Variants in COMMD10 observed in about 807,000 individuals in gnomAD.
COMMD10 encodes the protein COMM domain containing 10, also known as COMM domain-containing protein 10.
COMMD10 carries 33 observed loss-of-function variants against 28.9 expected under a neutral mutation model. The observed-to-expected ratio is 1.14, with a 90% confidence interval of 0.87 to 1.53. The LOEUF is 1.53. COMMD10 is among the 40% of genes most tolerant of loss of function. The pLI is 0.00. For synonymous variants in COMMD10, 110 were observed against 81.7 expected (o/e 1.35, Z -1.87); for missense variants, 310 against 233.4 (o/e 1.33, Z -2.14).
Position 116,293,201 on chromosome 5 carries a change from G to A in COMMD10, c.*712G>A. 1 of 388,216 alleles carries A rather than the reference G, an allele frequency of 2.6e-6. No individual in the cohort carries two copies. Among genetic ancestry groups the A allele is most frequent in the Non-Finnish European group, 4.6e-6 (1 of 219,624 alleles). The allele number at this position is 388,216 out of a possible 1,614,324, so 24.0% of individuals were successfully genotyped here. On this transcript the variant is annotated 3_prime_UTR_variant, in exon 7 of 7. Transcript: ENST00000274458. ...AAAATAATTGTAATGAGTGCTAAAT[G>A]GGCACCATTATTCGAATCAGATACC...
chr5:116,244,340 C>G (rs1484742309), intron 5 of COMMD10, among the ~76,000 whole-genome samples: 1 of 152,040 alleles, frequency 6.6e-6, no homozygotes, highest in Non-Finnish European at 1.5e-5. Context: ...CAAATTTTCA[C>G]TAGCATCATT....
At chr5:116,190,595 C>T (rs1473639807) in intron 5 of COMMD10, among the ~76,000 whole-genome samples, 3 of 152,164 alleles carry the variant, frequency 2.0e-5, no homozygotes, top group Non-Finnish European at 2.9e-5. Flanking sequence ...ACCAAGAGTT[C>T]TCTGTTTCTT....
chr5:116,270,887 C>T (rs891385457), intron 5 of COMMD10, among the ~76,000 whole-genome samples: 5 of 150,624 alleles, frequency 3.3e-5, no homozygotes, highest in Non-Finnish European at 7.4e-5. Context: ...TGCAGTCAGC[C>T]GAGATCACAC....
chr5:116,125,956 G>C (rs1751616855), intron 4 of COMMD10, among the ~76,000 whole-genome samples: 1 of 152,072 alleles, frequency 6.6e-6, no homozygotes, highest in Non-Finnish European at 1.5e-5. Context: ...AGAAATAAAG[G>C]GTATTCAGTT....
At chr5:116,243,753 C>T (rs1189441876) in intron 5 of COMMD10, among the ~76,000 whole-genome samples, 1 of 152,096 alleles carries the variant, frequency 6.6e-6, no homozygotes, top group African/African-American at 2.4e-5. Context: ...TCAGCTTGAC[C>T]TTATTTCAGA....
At chr5:116,214,420 T>G (rs1269202749) in intron 5 of COMMD10, among the ~76,000 whole-genome samples, 1 of 152,110 alleles carries the variant, frequency 6.6e-6, no homozygotes, top group African/African-American at 2.4e-5. Context: ...AGAAGCACAT[T>G]GGTTATGTTA....
intron 5 of COMMD10, among the ~76,000 whole-genome samples, chr5:116,239,477 G>A (rs1749759584): frequency 6.6e-6 from 1 of 152,082 alleles, no homozygotes; most frequent in Admixed American, 6.6e-5. Context: ...GCTCACATGG[G>A]CCTTATATGA....
chr5:116,226,112 C>G (rs1452265932), intron 5 of COMMD10, among the ~76,000 whole-genome samples: 1 of 151,898 alleles, frequency 6.6e-6, no homozygotes, highest in Non-Finnish European at 1.5e-5. Context: ...AATTCTTACC[C>G]CTTCTAGTTT....
At chr5:116,285,952 A>C (rs769022001) in intron 5 of COMMD10, among the ~76,000 whole-genome samples, 14 of 151,844 alleles carry the variant, frequency 9.2e-5, no homozygotes, top group Non-Finnish European at 1.9e-4. Flanking sequence ...TTAATTCTTT[A>C]AATGTTTTGT....
intron 5 of COMMD10, among the ~76,000 whole-genome samples, chr5:116,262,270 G>T (rs894059573): frequency 6.6e-6 from 1 of 151,658 alleles, no homozygotes; most frequent in South Asian, 2.1e-4. Context: ...CCTCAAAACT[G>T]CTGAAGTATC....
chr5:116,179,104 A>C (rs1747854524), intron 5 of COMMD10, among the ~76,000 whole-genome samples: 1 of 152,126 alleles, frequency 6.6e-6, no homozygotes, highest in Non-Finnish European at 1.5e-5. Flanking sequence ...ATGTTATCAA[A>C]CACTGTGTCA....
At chr5:116,196,137 G>C (rs565385941) in intron 5 of COMMD10, among the ~76,000 whole-genome samples, 2 of 152,134 alleles carry the variant, frequency 1.3e-5, no homozygotes, top group Non-Finnish European at 2.9e-5. Context: ...TTGCAAACAC[G>C]CATGTTTATA....
At chr5:116,182,340 G>C (rs1747996150) in intron 5 of COMMD10, among the ~76,000 whole-genome samples, 4 of 151,744 alleles carry the variant, frequency 2.6e-5, no homozygotes, top group Admixed American at 2.6e-4. Flanking sequence ...GAGAAATTAA[G>C]AACAATAGGT....
At chr5:116,252,142 G>T (rs892072524) in intron 5 of COMMD10, among the ~76,000 whole-genome samples, 1 of 146,356 alleles carries the variant, frequency 6.8e-6, no homozygotes, top group African/African-American at 2.6e-5. Context: ...TTTTTGATGG[G>T]GTTGTTTGTT....
chr5:116,275,463 C>G (rs1322372603), intron 5 of COMMD10, among the ~76,000 whole-genome samples: 1 of 151,782 alleles, frequency 6.6e-6, no homozygotes, highest in Non-Finnish European at 1.5e-5. Context: ...GTGCCCTATA[C>G]TTTGCCTGTT....
chr5:116,233,260 AATT>A (rs1448469670), intron 5 of COMMD10, among the ~76,000 whole-genome samples: 1 of 152,136 alleles, frequency 6.6e-6, no homozygotes, highest in Non-Finnish European at 1.5e-5. Flanking sequence ...ATATAGTTAT[AATT>A]ATTCTATTTT....
chr5:116,186,275 A>G (rs1296979108), intron 5 of COMMD10, among the ~76,000 whole-genome samples: 2 of 152,140 alleles, frequency 1.3e-5, no homozygotes, highest in Non-Finnish European at 2.9e-5. Context: ...TTCTGCTCCC[A>G]TAACCCCAAA....
chr5:116,242,257 G>A (rs1236681904), intron 5 of COMMD10, among the ~76,000 whole-genome samples: 1 of 152,166 alleles, frequency 6.6e-6, no homozygotes, highest in Non-Finnish European at 1.5e-5. Context: ...TTTTGTTAAG[G>A]TATATAAATG....
intron 4 of COMMD10, among the ~76,000 whole-genome samples, chr5:116,121,226 G>C (rs568085645): frequency 6.6e-6 from 1 of 152,132 alleles, no homozygotes; most frequent in African/African-American, 2.4e-5. Context: ...GTGAGAACAT[G>C]CGGTGTTTGG....
Sources: allele counts gnomAD v4.1 joint callset (sites outside exome capture counted in the v4.1 genomes callset), GRCh38; gene constraint gnomAD v4.1.1; transcripts MANE v1.5; gene names NCBI Gene and HGNC (gene_info 2026-07-23, HGNC 2026-07-21).